The following PPFIBP2 variants were observed in gnomAD, a reference collection of about 807,000 sequenced individuals.
PPFIBP2 encodes the protein liprin-beta-2.
PPFIBP2 carries 118 observed loss-of-function variants against 118.3 expected under a neutral mutation model. The observed-to-expected ratio is 1.00, with a 90% CI of 0.86 to 1.16. The LOEUF (loss-of-function observed/expected upper bound fraction) is 1.16, where lower values mean the gene tolerates loss of function less well. PPFIBP2 is among the 50% of genes most tolerant of loss of function. The pLI is 0.00. For missense variants in PPFIBP2, 1,195 were observed against 1,073.1 expected (o/e 1.11, Z -1.59); for synonymous variants, 414 against 397.4 (o/e 1.04, Z -0.50).
At chr11:7,625,018 T>C (rs375881963) in intron 7 of PPFIBP2, among the ~76,000 whole-genome samples, 1 of 152,116 alleles carries the variant, frequency 6.6e-6, no homozygotes, top group Admixed American at 6.5e-5. Context: ...CCTAGTGTTG[T>C]GTGTGGATTT....
At chr11:7,570,094 G>A (rs1336255113) in intron 3 of PPFIBP2, among the ~76,000 whole-genome samples, 3 of 152,004 alleles carry the variant, frequency 2.0e-5, no homozygotes, top group East Asian at 3.9e-4. Flanking sequence ...TGTGCCTTGA[G>A]TGGGGCTTTC....
chr11:7,514,937 C>T (rs574828907), intron 1 of PPFIBP2, among the ~76,000 whole-genome samples: 24 of 152,322 alleles, frequency 1.6e-4, no homozygotes, highest in African/African-American at 5.3e-4. Flanking sequence ...TACTTCCTGT[C>T]TTTCTCTTCG....
intron 3 of PPFIBP2, among the ~76,000 whole-genome samples, chr11:7,569,212 G>C (rs1372130573): frequency 1.3e-5 from 2 of 152,230 alleles, no homozygotes; most frequent in Non-Finnish European, 2.9e-5. Flanking sequence ...GGTAGGGCTG[G>C]TTCCTCTTCT....
chr11:7,559,605 A>G (rs886876944), intron 2 of PPFIBP2, among the ~76,000 whole-genome samples: 3 of 152,032 alleles, frequency 2.0e-5, no homozygotes, highest in African/African-American at 7.2e-5. Context: ...GGGAGGGTGT[A>G]TATGTGTGGT....
At chr11:7,612,435 G>A (rs563599773) in intron 6 of PPFIBP2, among the ~76,000 whole-genome samples, 2 of 152,294 alleles carry the variant, frequency 1.3e-5, no homozygotes, top group East Asian at 3.9e-4. Context: ...ATGAAAGTCA[G>A]CCCGTGTGTG....
At chr11:7,621,404 G>T (rs1849337788) in intron 7 of PPFIBP2, among the ~76,000 whole-genome samples, 2 of 152,110 alleles carry the variant, frequency 1.3e-5, no homozygotes, top group East Asian at 1.9e-4. Flanking sequence ...GTCCCTTCTA[G>T]AATCAGTTTT....
At chr11:7,576,832 C>T (rs994285268) in intron 3 of PPFIBP2, 3 of 152,406 alleles carry the variant, frequency 2.0e-5, no homozygotes, top group Non-Finnish European at 4.4e-5. Context: ...CACAGCAGGA[C>T]CAAGAACCCA....
intron 9 of PPFIBP2, among the ~76,000 whole-genome samples, chr11:7,628,585 G>A (rs1278842494): frequency 1.3e-5 from 2 of 152,174 alleles, no homozygotes; most frequent in Non-Finnish European, 2.9e-5. Context: ...AGCCCTGCCT[G>A]TTCCTGCTGG....
chr11:7,559,861 A>C (rs1854097374), intron 2 of PPFIBP2, among the ~76,000 whole-genome samples: 2 of 152,122 alleles, frequency 1.3e-5, no homozygotes, highest in South Asian at 4.1e-4. Context: ...TTCACTGTTG[A>C]GTTCACTCTT....
At chr11:7,645,663 G>A (rs1375478774) in intron 17 of PPFIBP2, among the ~76,000 whole-genome samples, 1 of 152,130 alleles carries the variant, frequency 6.6e-6, no homozygotes, top group Non-Finnish European at 1.5e-5. Flanking sequence ...TCAAGGCTTA[G>A]GAGGGAGGAG....
intron 2 of PPFIBP2, among the ~76,000 whole-genome samples, chr11:7,564,799 G>T (rs1476318427): frequency 6.6e-6 from 1 of 152,190 alleles, no homozygotes; most frequent in African/African-American, 2.4e-5. Context: ...TTGTTACATG[G>T]CAGTTTAGGG....
At chr11:7,604,467 C>A (rs1205822604) in intron 5 of PPFIBP2, among the ~76,000 whole-genome samples, 1 of 139,774 alleles carries the variant, frequency 7.2e-6, no homozygotes, top group African/African-American at 3.2e-5. Flanking sequence ...CCCACCCATA[C>A]ACGCACACAC....
chr11:7,594,785 T>A (rs2135274522), intron 4 of PPFIBP2, among the ~76,000 whole-genome samples: 1 of 151,910 alleles, frequency 6.6e-6, no homozygotes, highest in South Asian at 2.1e-4. Flanking sequence ...GGCATGGTGA[T>A]GGGTGCCTGT....
chr11:7,565,611 G>A lies in PPFIBP2; in HGVS notation c.123G>A (p.Pro41=), dbSNP rs541578051. The change falls in exon 3 of 24, where the codon CCG becomes CCA. Residue 41 remains proline (P), a synonymous_variant. Transcript: ENST00000299492. ...CTTGTGAGCCTGGACTGGCTTCCCC[G>A]GCCTCCTACATGAACCCCTTCCCGG... ...DGTCEPGLAS[P]ASYMNPFPVL... The A allele has an allele frequency of 2.5e-5, 40 of 1,614,016 alleles. No individual in the cohort carries two copies. The Admixed American group carries it at 4.5e-4, about 18-fold the overall frequency.
downstream of PPFIBP2, among the ~76,000 whole-genome samples, chr11:7,658,200 G>C (rs1052155265): frequency 2.0e-4 from 31 of 151,308 alleles, no homozygotes; most frequent in African/African-American, 4.4e-4. Flanking sequence ...CATTGTGCAG[G>C]TTAGTTACAT....
intron 11 of PPFIBP2, chr11:7,632,464 A>G (rs188851719): frequency 2.6e-4 from 42 of 163,740 alleles, no homozygotes; most frequent in African/African-American, 9.5e-4. Flanking sequence ...TCTCATTGAA[A>G]GCAACAAAAT....
intron 4 of PPFIBP2, chr11:7,597,079 A>G: frequency 8.7e-7 from 1 of 1,148,892 alleles, no homozygotes; most frequent in Non-Finnish European, 1.2e-6. Context: ...ACATTCCTTA[A>G]TTGCATCAAA....
chr11:7,665,710 A>C, the PPFIBP2 span: 449 of 1,154,940 alleles, frequency 3.9e-4, 7 homozygotes, highest in South Asian at 6.5e-3. Context: ...CAGAACTAGT[A>C]AACAGCCCTC....
intron 2 of PPFIBP2, among the ~76,000 whole-genome samples, chr11:7,559,272 C>T (rs1263947399): frequency 1.3e-5 from 2 of 152,154 alleles, no homozygotes; most frequent in Non-Finnish European, 2.9e-5. Flanking sequence ...TTTATGGTGT[C>T]TTCTAAATTT....
Sources: gnomAD v4.1 joint callset for allele counts (sites outside exome capture counted in the v4.1 genomes callset) on GRCh38, gnomAD v4.1.1 for gene constraint, MANE v1.5 for transcripts, NCBI Gene and HGNC (gene_info 2026-07-23, HGNC 2026-07-21) for gene names.